The following CCDC192 variants were observed in gnomAD, a reference collection of about 807,000 sequenced individuals.
CCDC192 encodes the protein coiled-coil domain-containing protein 192.
chr5:127,868,055 C>T (rs529640227), intron 5 of CCDC192, among the ~76,000 whole-genome samples: 14 of 149,818 alleles, frequency 9.3e-5, no homozygotes, highest in South Asian at 2.1e-4. Context: ...TTGCCTAGAC[C>T]GTTCTATCAA....
intron 5 of CCDC192, among the ~76,000 whole-genome samples, chr5:127,842,203 T>C (rs1267206136): frequency 6.6e-6 from 1 of 152,158 alleles, no homozygotes; most frequent in East Asian, 1.9e-4. Flanking sequence ...CTTGAAATTC[T>C]TTTTTATTAT....
chr5:127,811,171 T>C (rs1483654683), intron 5 of CCDC192, among the ~76,000 whole-genome samples: 1 of 152,212 alleles, frequency 6.6e-6, no homozygotes, highest in Non-Finnish European at 1.5e-5. Context: ...TAATCTGCTC[T>C]AAATTCTGAA....
chr5:127,791,387 C>T (rs967427550), intron 3 of CCDC192, among the ~76,000 whole-genome samples: 1 of 152,146 alleles, frequency 6.6e-6, no homozygotes, highest in Non-Finnish European at 1.5e-5. Flanking sequence ...TTAAGTAACA[C>T]TTAAAATAAA....
chr5:127,731,370 A>G (rs12653523), intron 2 of CCDC192, among the ~76,000 whole-genome samples: 2 of 152,216 alleles, frequency 1.3e-5, no homozygotes, highest in Non-Finnish European at 2.9e-5. Context: ...CAGAGAGGAC[A>G]CAAACAAATG....
chr5:127,841,860 A>G (rs568465936), intron 5 of CCDC192, among the ~76,000 whole-genome samples: 205 of 152,294 alleles, frequency 1.3e-3, no homozygotes, highest in Non-Finnish European at 2.2e-3. Flanking sequence ...TCTTGTTTCT[A>G]CAGGGGCCAG....
At chr5:127,896,357 C>T (rs1752886174) in intron 6 of CCDC192, among the ~76,000 whole-genome samples, 1 of 152,130 alleles carries the variant, frequency 6.6e-6, no homozygotes, top group Non-Finnish European at 1.5e-5. Context: ...AGACCTTAAT[C>T]ATGGTACTTG....
chr5:127,738,046 C>T (rs1449590284), intron 2 of CCDC192, among the ~76,000 whole-genome samples: 2 of 151,978 alleles, frequency 1.3e-5, no homozygotes, highest in African/African-American at 4.8e-5. Flanking sequence ...TACATTTTGG[C>T]ATGATTTTGC....
intron 5 of CCDC192, among the ~76,000 whole-genome samples, chr5:127,847,728 A>C (rs1005383452): frequency 5.9e-5 from 9 of 151,936 alleles, no homozygotes; most frequent in African/African-American, 2.2e-4. Flanking sequence ...AGGCTGAGGC[A>C]GGAGAATCCA....
chr5:127,721,312 C>A (rs1752008712), intron 2 of CCDC192, among the ~76,000 whole-genome samples: 1 of 152,230 alleles, frequency 6.6e-6, no homozygotes. Context: ...CCTAAATCAT[C>A]TCTCTCATGT....
chr5:127,732,728 A>G (rs1752712235), intron 2 of CCDC192, among the ~76,000 whole-genome samples: 1 of 152,142 alleles, frequency 6.6e-6, no homozygotes, highest in South Asian at 2.1e-4. Flanking sequence ...ATCCTCAGCA[A>G]ACTAATGTAG....
chr5:127,736,182 A>T (rs1190514215), intron 2 of CCDC192, among the ~76,000 whole-genome samples: 4 of 83,376 alleles, frequency 4.8e-5, no homozygotes, highest in Admixed American at 4.3e-4. Context: ...ATCTATTGAG[A>T]TAATCATGTG....
chr5:127,889,383 C>CCTTTT (rs1186091432), intron 6 of CCDC192, among the ~76,000 whole-genome samples: 2 of 148,226 alleles, frequency 1.3e-5, no homozygotes, highest in South Asian at 2.1e-4. Flanking sequence ...CTTTTTTTTT[C>CCTTTT]CTTTTCTTTT....
intron 5 of CCDC192, among the ~76,000 whole-genome samples, chr5:127,873,054 T>A (rs1414964127): frequency 2.0e-5 from 3 of 152,206 alleles, no homozygotes; most frequent in African/African-American, 7.2e-5. Context: ...TCCACTGAGT[T>A]CCTGCATTCT....
chr5:127,862,267 T>G (rs59165700), intron 5 of CCDC192, among the ~76,000 whole-genome samples: 1 of 152,214 alleles, frequency 6.6e-6, no homozygotes, highest in Non-Finnish European at 1.5e-5. Flanking sequence ...GGCAGGCATG[T>G]TACATGGACC....
chr5:127,748,661 T>G (rs987862082), intron 2 of CCDC192, among the ~76,000 whole-genome samples: 1 of 139,334 alleles, frequency 7.2e-6, no homozygotes, highest in African/African-American at 2.5e-5. Context: ...ATTGGTAGGT[T>G]GATGGGGATG....
At chr5:127,756,499 C>G (rs1269722895) in intron 3 of CCDC192, among the ~76,000 whole-genome samples, 6 of 152,130 alleles carry the variant, frequency 3.9e-5, no homozygotes, top group Admixed American at 3.9e-4. Flanking sequence ...GGTGCGATGG[C>G]AGAACTGGTT....
intron 2 of CCDC192, among the ~76,000 whole-genome samples, chr5:127,721,335 A>G (rs953416167): frequency 9.8e-5 from 15 of 152,294 alleles, no homozygotes; most frequent in Admixed American, 6.5e-4. Flanking sequence ...AACATTCTAC[A>G]TATTCCCAGA....
chr5:127,932,381 T>C (rs912682195), intron 6 of CCDC192, among the ~76,000 whole-genome samples: 7 of 151,994 alleles, frequency 4.6e-5, no homozygotes, highest in African/African-American at 1.4e-4. Flanking sequence ...ATTTTGTATT[T>C]TTAGTAGAGA....
At chr5:127,771,096 G>A (rs1755526042) in intron 3 of CCDC192, among the ~76,000 whole-genome samples, 1 of 152,134 alleles carries the variant, frequency 6.6e-6, no homozygotes, top group Non-Finnish European at 1.5e-5. Flanking sequence ...ATCTAATAGA[G>A]TCTTTTTTCA....
Sources: gnomAD v4.1 joint callset for allele counts (sites outside exome capture counted in the v4.1 genomes callset) on GRCh38, gnomAD v4.1.1 for gene constraint, MANE v1.5 for transcripts, NCBI Gene and HGNC (gene_info 2026-07-23, HGNC 2026-07-21) for gene names.